Variants in GANAB observed in about 807,000 individuals in gnomAD.
GANAB encodes the protein neutral alpha-glucosidase AB.
In GANAB, 35 loss-of-function variants were observed where a neutral mutation model predicts 129.9. The observed-to-expected ratio is 0.27, with a 90% CI of 0.21 to 0.36. The LOEUF (loss-of-function observed/expected upper bound fraction) is 0.36, where lower values mean the gene tolerates loss of function less well. Among genes scored for constraint, GANAB ranks in the 10% least tolerant of loss-of-function variants. The probability of loss-of-function intolerance (pLI) is 1.00; values close to 1 mark genes in which losing one functional copy is unlikely to be tolerated. For missense variants in GANAB, 939 were observed against 1,221.0 expected, an observed-to-expected ratio of 0.77 and a Z score of 3.44; for synonymous variants, 482 against 451.8, an observed-to-expected ratio of 1.07 and a Z score of -0.85.
rs774644577 is a variant in GANAB at position 62,626,647 on chromosome 11, C to T, written c.2435G>A (p.Arg812Gln). 10 of 1,610,834 alleles carry T rather than the reference C, an allele frequency of 6.2e-6. No homozygotes were observed. The highest frequency in any genetic ancestry group is 5.0e-5 in the Admixed American group (3 of 59,762). Reference protein sequence around the residue: ...VFQRGGTIVPRWMRVRRSSEC... With the variant: ...VFQRGGTIVPQWMRVRRSSEC... ...TGAAGACCGCCGCACTCGCATCCAT[C>T]GAGGCACGATTGTCCCTCCACGCTG... The change falls in exon 21 of 24, where the codon CGA becomes CAA. Residue 812 changes from arginine to glutamine, a missense_variant. Physicochemically the swap from Arg to Gln is conservative, Grantham distance 43. Transcript: ENST00000356638.
chr11:62,633,401 C>T (rs369457429), intron 6 of GANAB, 44 bp downstream of exon 6: 4 of 1,598,840 alleles, frequency 2.5e-6, no homozygotes, highest in Non-Finnish European at 3.4e-6. Context: ...CCTCCACCCT[C>T]CCAGCCAGCC....
intron 14 of GANAB, 55 bp from the exon 15 acceptor site, chr11:62,629,739 G>A (rs1943573693): frequency 2.5e-6 from 4 of 1,604,352 alleles, no homozygotes; most frequent in Non-Finnish European, 3.4e-6. Context: ...CTGTCATCTG[G>A]TGCAAGTTCC....
At position 62,626,248 on chromosome 11, in the gene GANAB, T is replaced by G; in HGVS notation, c.2625-83A>C. 3.7e-6 allele frequency: 5 copies of G among 1,352,180 alleles called. No homozygotes were observed. The South Asian group carries it at 4.7e-5, about 13-fold the overall frequency. 83.8% of individuals were successfully genotyped at this position (1,352,180 alleles called of 1,614,324 possible). A position where few individuals can be genotyped will look rare whatever the true frequency, so the allele number is the denominator to read the frequency against. ...GAGGAGACCCAAAGCAAGGTCAGAA[T>G]GTGAGAAAAGAGCACAGTGAACTGG... On this transcript the variant is annotated intron_variant, in intron 22 of 23. Transcript: ENST00000356638.
intron 23 of GANAB, 35 bp downstream of exon 23, chr11:62,626,030 C>G: frequency 6.5e-7 from 1 of 1,543,564 alleles, no homozygotes; most frequent in South Asian, 1.1e-5. Flanking sequence ...GCTTCCCCTC[C>G]TTCCCCCATC....
At position 62,625,110 on chromosome 11, in the gene GANAB, A is replaced by T. The variant is rs1943302689; in HGVS notation, c.*705T>A. On this transcript the variant is annotated 3_prime_UTR_variant, in exon 24 of 24. Transcript: ENST00000356638. ...AAAGGGGACAAGAAGGGGGCAAAAG[A>T]AGTTTAATGCGCATCCCCTAAGAGG... 2 of 407,598 alleles carry T rather than the reference A, an allele frequency of 4.9e-6. No homozygotes were observed. Among genetic ancestry groups the T allele is most frequent in the Admixed American group, 2.9e-5 (1 of 34,636 alleles). 25.2% of individuals were successfully genotyped at this position (407,598 alleles called of 1,614,324 possible). A position where few individuals can be genotyped will look rare whatever the true frequency, so the allele number is the denominator to read the frequency against.
chr11:62,626,203 A>G, intron 22 of GANAB, 38 bp from the exon 23 acceptor site: 1 of 1,480,382 alleles, frequency 6.8e-7, no homozygotes, highest in South Asian at 1.1e-5. Context: ...CAGGGGGAAA[A>G]ATAACAGAAC....
At chr11:62,645,162 GTGAGTGACC>G (rs1413993749) in intron 1 of GANAB, among the ~76,000 whole-genome samples, 11 of 152,176 alleles carry the variant, frequency 7.2e-5, no homozygotes, top group Non-Finnish European at 1.5e-4. Flanking sequence ...AGGTCCTGCA[GTGAGTGACC>G]TGAGTGACTG....
rs759558087 is a variant in GANAB, at chr11:62,639,440, G to T, written c.171C>A (p.Leu57=). ...CKRQRSIRPG[L]SPYRALLDSL... ...AGTCCAGCAAGGCTCGGTATGGAGA[G>T]AGGCCTGGCCGTATGCTTCTCTGTC... The change falls in exon 3 of 24, where the codon CTC becomes CTA. Residue 57 remains leucine (L), a synonymous_variant. Transcript: ENST00000356638. 5 of 1,613,728 alleles carry T rather than the reference G, an allele frequency of 3.1e-6. No individual in the cohort carries two copies. The highest frequency in any genetic ancestry group is 4.2e-6 in the Non-Finnish European group (5 of 1,179,808).
intron 9 of GANAB, among the ~76,000 whole-genome samples, chr11:62,631,431 T>C (rs1943673821): frequency 6.6e-6 from 1 of 151,718 alleles, no homozygotes; most frequent in African/African-American, 2.4e-5. Context: ...TTTCATGTCT[T>C]TGTTAGCACT....
At chr11:62,643,708 G>T (rs751332456) in intron 1 of GANAB, among the ~76,000 whole-genome samples, 1 of 152,090 alleles carries the variant, frequency 6.6e-6, no homozygotes, top group Non-Finnish European at 1.5e-5. Context: ...CCCAGCTACT[G>T]GGGAGGCTGA....
At chr11:62,645,871 C>T (rs1204673390) in intron 1 of GANAB, among the ~76,000 whole-genome samples, 1 of 152,204 alleles carries the variant, frequency 6.6e-6, no homozygotes, top group African/African-American at 2.4e-5. Flanking sequence ...TCCGTTAGGT[C>T]CTAGTAAACA....
intron 4 of GANAB, among the ~76,000 whole-genome samples, chr11:62,636,995 G>A (rs939252173): frequency 1.3e-5 from 2 of 151,588 alleles, no homozygotes; most frequent in African/African-American, 2.4e-5. Context: ...CAAACAAAAG[G>A]CTAACAACAG....
intron 1 of GANAB, among the ~76,000 whole-genome samples, chr11:62,644,276 C>T (rs1244369692): frequency 6.6e-6 from 1 of 152,074 alleles, no homozygotes; most frequent in African/African-American, 2.4e-5. Context: ...CTCCCAGTGA[C>T]ACTGATATGG....
intron 1 of GANAB, among the ~76,000 whole-genome samples, chr11:62,644,053 T>C (rs1590828533): frequency 6.6e-6 from 1 of 152,156 alleles, no homozygotes; most frequent in Non-Finnish European, 1.5e-5. Flanking sequence ...CAAGCAATTC[T>C]CCTGCCTCTG....
intron 15 of GANAB, 87 bp from the exon 16 acceptor site, chr11:62,629,382 C>T (rs1417560995): frequency 2.0e-6 from 2 of 980,700 alleles, no homozygotes; most frequent in Admixed American, 1.8e-5. Flanking sequence ...GCTCTGGGTC[C>T]CCAGAACCCT....
intron 19 of GANAB, 24 bp downstream of exon 19, chr11:62,627,024 C>A: frequency 6.2e-7 from 1 of 1,605,216 alleles, no homozygotes; most frequent in Non-Finnish European, 8.5e-7. Context: ...CCATCTTTCC[C>A]CACCATGCCC....
In GANAB at chr11:62,626,993, G is replaced by A. The variant is rs371649150; in HGVS notation, c.2322+55C>T. 168 of 1,582,016 alleles carry A rather than the reference G, an allele frequency of 1.1e-4. 2 individuals carry two copies. The East Asian group carries it at 1.5e-3, about 14-fold the overall frequency. On this transcript the variant is annotated intron_variant, in intron 19 of 23. Coordinates refer to ENST00000356638, the MANE Select transcript of GANAB (RefSeq NM_198334.3). ...ACTCAGTGCACAGGGGTCCCGTCCT[G>A]TTTGCCTCCTTTGGCTTCCACCATC...
chr11:62,639,292 C>T (rs937630386), intron 3 of GANAB, 67 bp downstream of exon 3: 10 of 1,274,354 alleles, frequency 7.8e-6, no homozygotes, highest in Non-Finnish European at 1.1e-5. Flanking sequence ...GCCACAATTT[C>T]CCCCTTTCCA....
At chr11:62,644,908 G>A (rs1277640166) in intron 1 of GANAB, among the ~76,000 whole-genome samples, 1 of 152,038 alleles carries the variant, frequency 6.6e-6, no homozygotes, top group Non-Finnish European at 1.5e-5. Flanking sequence ...TATACACATT[G>A]TATCTAGTTA....
Sources: gnomAD v4.1 joint callset for allele counts (sites outside exome capture counted in the v4.1 genomes callset) on GRCh38, gnomAD v4.1.1 for gene constraint, MANE v1.5 for transcripts, NCBI Gene and HGNC (gene_info 2026-07-23, HGNC 2026-07-21) for gene names.